SNX24: variants seen among roughly 807,000 people sequenced by gnomAD.
SNX24 encodes the protein sorting nexin 24.
Under a neutral mutation model 28.7 loss-of-function variants are expected in SNX24, and 22 were observed. The ratio of observed to expected loss-of-function variants is 0.77; its 90% CI spans 0.55 to 1.10. The LOEUF is 1.10. Among genes scored for constraint, SNX24 ranks in the 50% least tolerant of loss-of-function variants. SNX24 has a pLI of 0.00. For synonymous variants in SNX24, 69 were observed against 71.5 expected (o/e 0.96, Z 0.18); for missense variants, 221 against 201.1 (o/e 1.10, Z -0.60).
At chr5:122,989,412 G>T (rs1761737195) in intron 3 of SNX24, among the ~76,000 whole-genome samples, 1 of 151,532 alleles carries the variant, frequency 6.6e-6, no homozygotes, top group Non-Finnish European at 1.5e-5. Flanking sequence ...AAAAGATGGG[G>T]GCCACTGCAG....
At chr5:122,943,341 C>G (rs868704669) in intron 2 of SNX24, among the ~76,000 whole-genome samples, 1 of 152,154 alleles carries the variant, frequency 6.6e-6, no homozygotes, top group South Asian at 2.1e-4. Context: ...TTTAGTAGAA[C>G]GCCTTAGAAG....
chr5:122,973,729 A>G (rs763397194), intron 3 of SNX24, among the ~76,000 whole-genome samples: 6 of 152,232 alleles, frequency 3.9e-5, no homozygotes, highest in Non-Finnish European at 8.8e-5. Context: ...TTCAGGTTGC[A>G]TGGTAAGTTG....
intron 1 of SNX24, among the ~76,000 whole-genome samples, chr5:122,912,542 T>A (rs2074525314): frequency 2.6e-5 from 4 of 152,172 alleles, no homozygotes; most frequent in Admixed American, 1.3e-4. Context: ...CATCCTGTCT[T>A]GTGCCAGTTT....
downstream of SNX24, among the ~76,000 whole-genome samples, chr5:123,013,052 C>CA (rs1213044093): frequency 6.6e-6 from 1 of 152,192 alleles, no homozygotes; most frequent in Admixed American, 6.5e-5. Flanking sequence ...ACCAAGAGAA[C>CA]ATCTGTTCAA....
intron 1 of SNX24, among the ~76,000 whole-genome samples, chr5:122,860,272 C>G (rs1456075761): frequency 6.6e-6 from 1 of 152,000 alleles, no homozygotes; most frequent in African/African-American, 2.4e-5. Context: ...TAAATAAAAC[C>G]CATCTGTGGG....
At chr5:122,961,625 G>A (rs563589282) in intron 3 of SNX24, among the ~76,000 whole-genome samples, 7 of 152,228 alleles carry the variant, frequency 4.6e-5, no homozygotes, top group African/African-American at 4.8e-5. Context: ...TGATTTTATC[G>A]AAACCTTAAC....
At chr5:122,997,475 G>C (rs535776775) in intron 3 of SNX24, among the ~76,000 whole-genome samples, 1 of 152,158 alleles carries the variant, frequency 6.6e-6, no homozygotes, top group African/African-American at 2.4e-5. Flanking sequence ...ATTAATTCCC[G>C]TCCCTGTGTT....
intron 1 of SNX24, among the ~76,000 whole-genome samples, chr5:122,922,558 C>T (rs1165420554): frequency 6.8e-6 from 1 of 146,826 alleles, no homozygotes; most frequent in East Asian, 2.0e-4. Flanking sequence ...TGGCATTGGT[C>T]TTTTTTTTTT....
chr5:122,898,428 C>G (rs1004885122), intron 1 of SNX24, among the ~76,000 whole-genome samples: 1 of 152,096 alleles, frequency 6.6e-6, no homozygotes, highest in Non-Finnish European at 1.5e-5. Flanking sequence ...AAGTAAAAAC[C>G]CTTTCCCAGA....
intron 1 of SNX24, among the ~76,000 whole-genome samples, chr5:122,890,068 A>G (rs940000640): frequency 1.3e-5 from 2 of 152,152 alleles, no homozygotes; most frequent in Non-Finnish European, 2.9e-5. Flanking sequence ...CAGTTGAGAC[A>G]GGCCATAGAC....
chr5:122,875,829 GC>G (rs1360333953), intron 1 of SNX24, among the ~76,000 whole-genome samples: 1 of 152,132 alleles, frequency 6.6e-6, no homozygotes, highest in Non-Finnish European at 1.5e-5. Context: ...TGCTCTTAGC[GC>G]CCAGGCTGGA....
intron 3 of SNX24, chr5:122,965,577 A>G: frequency 2.6e-6 from 1 of 391,642 alleles, no homozygotes; most frequent in Admixed American, 2.7e-5. Context: ...TATACAAGAG[A>G]CAAGCATATG....
intron 2 of SNX24, among the ~76,000 whole-genome samples, chr5:122,937,175 T>G: frequency 6.6e-6 from 1 of 152,228 alleles, no homozygotes; most frequent in East Asian, 1.9e-4. Flanking sequence ...CAAATGATTA[T>G]CTTACAGGAA....
chr5:122,856,240 CTG>C (rs1755184237), intron 1 of SNX24, among the ~76,000 whole-genome samples: 1 of 152,062 alleles, frequency 6.6e-6, no homozygotes, highest in South Asian at 2.1e-4. Flanking sequence ...TTTTCTGTTT[CTG>C]TGTGTGTTTG....
chr5:122,894,884 T>G (rs534079106), intron 1 of SNX24, among the ~76,000 whole-genome samples: 2 of 152,292 alleles, frequency 1.3e-5, no homozygotes, highest in Admixed American at 6.5e-5. Flanking sequence ...TGTAGTCTAG[T>G]TTCCAAGTAA....
rs557098740 is a variant in SNX24, at chr5:122,988,156, A to G, written c.250-11756A>G. ...GTTTGTCTGGCCAACTAGAGTGGTT[A>G]AATAGGCCTGACAAGCTATCTAGGT... On this transcript the variant is annotated intron_variant, in intron 3 of 6. Transcript: ENST00000261369. Among the ~76,000 whole-genome samples the G allele has an allele frequency of 2.0e-5, 3 of 152,188 alleles. No individual in the cohort carries two copies. In the East Asian group the frequency reaches 5.8e-4, roughly 29 times the overall value.
intron 6 of SNX24, among the ~76,000 whole-genome samples, chr5:123,004,300 G>C (rs970694538): frequency 1.3e-5 from 2 of 152,116 alleles, no homozygotes. Context: ...ATTTTCCTGG[G>C]AAACTCAAAA....
intron 2 of SNX24, among the ~76,000 whole-genome samples, chr5:122,939,050 G>C (rs1759323109): frequency 6.6e-6 from 1 of 151,424 alleles, no homozygotes; most frequent in Admixed American, 6.6e-5. Context: ...TGTGTGCTAA[G>C]AAGGGTTGAA....
intron 5 of SNX24, among the ~76,000 whole-genome samples, chr5:123,015,073 T>C (rs1414299115): frequency 6.6e-6 from 1 of 152,216 alleles, no homozygotes; most frequent in Non-Finnish European, 1.5e-5. Context: ...TCTGAAGTTA[T>C]CCTGTTTATT....
Sources: gnomAD v4.1 joint callset for allele counts (sites outside exome capture counted in the v4.1 genomes callset) on GRCh38, gnomAD v4.1.1 for gene constraint, MANE v1.5 for transcripts, NCBI Gene and HGNC (gene_info 2026-07-23, HGNC 2026-07-21) for gene names.